The following NDRG1 variants were observed in gnomAD, a reference collection of about 807,000 sequenced individuals.
The protein encoded by NDRG1 is protein NDRG1.
Under a neutral mutation model 56.9 loss-of-function variants are expected in NDRG1, and 32 were observed. That is an observed-to-expected ratio of 0.56 (90% CI 0.42 to 0.76). The LOEUF (loss-of-function observed/expected upper bound fraction) is 0.76, where lower values mean the gene tolerates loss of function less well. NDRG1 is among the 30% of genes least tolerant of loss of function. NDRG1 has a pLI of 0.00. For missense variants in NDRG1, 507 were observed against 545.7 expected, an observed-to-expected ratio of 0.93 and a Z score of 0.71; for synonymous variants, 211 against 204.1, an observed-to-expected ratio of 1.03 and a Z score of -0.29.
chr8:133,266,204 G>C (rs2130748158), intron 3 of NDRG1, among the ~76,000 whole-genome samples: 1 of 152,362 alleles, frequency 6.6e-6, no homozygotes, highest in East Asian at 1.9e-4. Flanking sequence ...CGGGGCCCCA[G>C]GCTTCTCAGC....
intron 15 of NDRG1, chr8:133,239,334 C>T (rs1357547580): frequency 6.8e-6 from 5 of 732,244 alleles, no homozygotes; most frequent in East Asian, 2.7e-5. Context: ...CGCAATCACA[C>T]CATGAGTGAC....
intron 13 of NDRG1, among the ~76,000 whole-genome samples, chr8:133,245,415 G>C (rs1213836293): frequency 6.6e-6 from 1 of 152,180 alleles, no homozygotes; most frequent in Non-Finnish European, 1.5e-5. Context: ...GTAAAATCAA[G>C]TTAAGATGAG....
Position 133,247,905 on chromosome 8 carries a change from A to G in NDRG1, c.777T>C (p.Val259=). Residue 259 remains valine, a synonymous_variant, in exon 12 of 16, where the codon GTT becomes GTC. Transcript: ENST00000323851. ...VTLQCPALLV[V]GDSSPAVDAV... is the part of the protein sequence containing the mutation. ...CATCCACTGCAGGCGAGCTGTCCCC[A>G]ACCACCAACAGAGCAGGGCACCTGG... is the stretch of plus-strand genomic sequence containing the variant. 12 of 1,614,100 alleles carry G rather than the reference A, an allele frequency of 7.4e-6. No homozygotes were observed. Among genetic ancestry groups the G allele is most frequent in the Non-Finnish European group, 9.3e-6 (11 of 1,180,014 alleles).
intron 1 of NDRG1, among the ~76,000 whole-genome samples, chr8:133,285,165 A>G (rs992177840): frequency 5.3e-5 from 8 of 152,138 alleles, no homozygotes; most frequent in African/African-American, 1.9e-4. Flanking sequence ...AGGTGGTGCT[A>G]TCTATTAAGC....
At chr8:133,242,102 G>C in intron 14 of NDRG1, 28 bp from the exon 15 acceptor site, 1 of 1,614,024 alleles carries the variant, frequency 6.2e-7, no homozygotes, top group Non-Finnish European at 8.5e-7. Context: ...AGAAAATGCA[G>C]TCAGTTGCTG....
At chr8:133,269,791 C>A (rs565422643) in intron 3 of NDRG1, among the ~76,000 whole-genome samples, 1 of 152,236 alleles carries the variant, frequency 6.6e-6, no homozygotes, top group African/African-American at 2.4e-5. Flanking sequence ...GCAAAACACT[C>A]GTACCTCCCC....
At position 133,239,076 on chromosome 8, in the gene NDRG1, G is replaced by A. The variant is rs778770054; in HGVS notation, c.987C>T (p.Ala329=). The stretch of plus-strand genomic sequence containing the variant: ...CCAGAGAAGTGACGCTGGAACCAGA[G>A]GCTGTGCGGGACCGCATCAGGCGGG... The part of the protein sequence containing the change: ...SMTRLMRSRT[A]SGSSVTSLDG... The change falls in exon 16 of 16, where the codon GCC becomes GCT. Residue 329 remains alanine (A), a synonymous_variant. Coordinates refer to ENST00000323851, the MANE Select transcript of NDRG1 (RefSeq NM_006096.4). 24 of 1,578,518 alleles carry A rather than the reference G, an allele frequency of 1.5e-5. No individual in the cohort carries two copies. The highest frequency in any genetic ancestry group is 2.3e-5 in the East Asian group (1 of 43,492).
chr8:133,295,693 C>G (rs1208376796), intron 1 of NDRG1, among the ~76,000 whole-genome samples: 1 of 152,220 alleles, frequency 6.6e-6, no homozygotes, highest in African/African-American at 2.4e-5. Flanking sequence ...ATTTCTGCAG[C>G]AAGAACAGGG....
At chr8:133,296,418 G>A (rs906768715) in intron 1 of NDRG1, 3 of 454,248 alleles carry the variant, frequency 6.6e-6, no homozygotes, top group South Asian at 3.1e-5. Flanking sequence ...ACCCTGCCCA[G>A]TGGCGCTCGC....
intron 3 of NDRG1, among the ~76,000 whole-genome samples, chr8:133,265,959 GC>G (rs1338803712): frequency 1.5e-4 from 23 of 152,350 alleles, no homozygotes; most frequent in Admixed American, 1.3e-3. Context: ...CCTTTGAAGT[GC>G]CCCACTCTGG....
chr8:133,247,788 G>C, intron 12 of NDRG1, 87 bp downstream of exon 12: 1 of 1,386,950 alleles, frequency 7.2e-7, no homozygotes, highest in Non-Finnish European at 1.0e-6. Context: ...GCAGAGGAGA[G>C]GAGGGGCAGG....
intron 12 of NDRG1, 34 bp downstream of exon 12, chr8:133,247,841 T>C (rs775569615): frequency 1.9e-6 from 3 of 1,612,668 alleles, no homozygotes; most frequent in Admixed American, 1.7e-5. Context: ...GCCTGTTGAA[T>C]TAAACACAGA....
At chr8:133,256,753 C>G (rs376400618) in intron 8 of NDRG1, 24 bp downstream of exon 8, 15 of 1,611,922 alleles carry the variant, frequency 9.3e-6, no homozygotes, top group Non-Finnish European at 1.3e-5. Flanking sequence ...GGGATCCCGC[C>G]GGCCTGACAG....
At chr8:133,255,321 G>A (rs1401052334) in intron 8 of NDRG1, 1 of 456,268 alleles carries the variant, frequency 2.2e-6, no homozygotes, top group South Asian at 1.5e-5. Context: ...GAACTTCAAG[G>A]CCACAAGGTC....
chr8:133,255,163 C>G (rs532321728), intron 8 of NDRG1: 122 of 390,506 alleles, frequency 3.1e-4, no homozygotes, highest in African/African-American at 2.4e-3. Flanking sequence ...GTGTGCTGAC[C>G]TAAGCATTAG....
At chr8:133,256,463 C>G (rs1856375643) in intron 8 of NDRG1, among the ~76,000 whole-genome samples, 2 of 152,188 alleles carry the variant, frequency 1.3e-5, no homozygotes, top group African/African-American at 2.4e-5. Context: ...TGACCAAAGC[C>G]TGGCACAAGT....
chr8:133,283,484 G>A (rs1296456000), intron 2 of NDRG1, among the ~76,000 whole-genome samples: 1 of 146,272 alleles, frequency 6.8e-6, no homozygotes, highest in Admixed American at 6.7e-5. Context: ...AGCCCAGGCT[G>A]GGCCCTGCCA....
chr8:133,245,167 G>A (rs545811030), intron 13 of NDRG1, among the ~76,000 whole-genome samples: 6 of 152,298 alleles, frequency 3.9e-5, no homozygotes, highest in African/African-American at 9.6e-5. Flanking sequence ...CAGGATGCCC[G>A]AATTTTTCCT....
chr8:133,247,772 G>T, intron 12 of NDRG1, 103 bp downstream of exon 12: 1 of 1,224,826 alleles, frequency 8.2e-7, no homozygotes, highest in Non-Finnish European at 1.2e-6. Flanking sequence ...CACCTGCCCT[G>T]ATGGGGCAGA....
Sources: allele counts gnomAD v4.1 joint callset (sites outside exome capture counted in the v4.1 genomes callset), GRCh38; gene constraint gnomAD v4.1.1; transcripts MANE v1.5; gene names NCBI Gene and HGNC (gene_info 2026-07-23, HGNC 2026-07-21).